Variants in NBAS observed in about 807,000 individuals in gnomAD.
The protein encoded by NBAS is NAG/BC035112 fusion.
NBAS carries 219 observed loss-of-function variants against 302.5 expected under a neutral mutation model. That is an observed-to-expected ratio of 0.72 (90% CI 0.65 to 0.81). The LOEUF is 0.81. Ranked by LOEUF, NBAS falls within the 30% of genes least tolerant of loss-of-function variation. NBAS has a pLI of 0.00. For synonymous variants in NBAS, 1,118 were observed against 1,021.6 expected (o/e 1.09, Z -1.80); for missense variants, 2,932 against 2,841.6 (o/e 1.03, Z -0.72).
the NBAS span, among the ~76,000 whole-genome samples, chr2:15,147,695 T>G: frequency 6.6e-6 from 1 of 152,152 alleles, no homozygotes; most frequent in Non-Finnish European, 1.5e-5. Flanking sequence ...TTAAGGCAAT[T>G]GCCCCCTTTC....
chr2:14,929,597 C>A, the NBAS span, among the ~76,000 whole-genome samples: 15 of 152,268 alleles, frequency 9.9e-5, no homozygotes, highest in East Asian at 2.3e-3. Context: ...AGGCTGGTCT[C>A]GAGCTCCTGA....
intron 6 of NBAS, among the ~76,000 whole-genome samples, chr2:15,547,433 C>T (rs1214580234): frequency 6.6e-6 from 1 of 152,166 alleles, no homozygotes. Flanking sequence ...AATTCACACA[C>T]ACAGAAGCCA....
intron 46 of NBAS, among the ~76,000 whole-genome samples, chr2:15,232,909 C>T (rs926179348): frequency 6.6e-6 from 1 of 151,042 alleles, no homozygotes; most frequent in African/African-American, 2.4e-5. Flanking sequence ...TAATAAGTAC[C>T]AGGCAATGCT....
chr2:15,185,338 A>T (rs1020918487), intron 50 of NBAS, among the ~76,000 whole-genome samples: 23 of 152,240 alleles, frequency 1.5e-4, no homozygotes, highest in Non-Finnish European at 3.1e-4. Context: ...CAGTAACAGG[A>T]GACCTTAAAC....
At chr2:14,789,113 C>T in the NBAS span, among the ~76,000 whole-genome samples, 4 of 152,182 alleles carry the variant, frequency 2.6e-5, no homozygotes, top group Non-Finnish European at 5.9e-5. Flanking sequence ...AATGAGGCTC[C>T]GTGGGCATAG....
chr2:15,272,848 C>A (rs1256549493), intron 44 of NBAS, among the ~76,000 whole-genome samples: 1 of 152,016 alleles, frequency 6.6e-6, no homozygotes, highest in Non-Finnish European at 1.5e-5. Context: ...CAGGGGTTGG[C>A]GGACATCTTG....
chr2:15,382,881 A>G (rs1456010229), intron 29 of NBAS, among the ~76,000 whole-genome samples: 1 of 152,208 alleles, frequency 6.6e-6, no homozygotes, highest in Non-Finnish European at 1.5e-5. Context: ...AGTTCAGCAG[A>G]GATGAAGACA....
chr2:15,162,910 C>G (rs1340444884), downstream of NBAS, among the ~76,000 whole-genome samples: 1 of 152,218 alleles, frequency 6.6e-6, no homozygotes, highest in Non-Finnish European at 1.5e-5. Context: ...AATGCAGGCT[C>G]TCTCCAAAGA....
the NBAS span, among the ~76,000 whole-genome samples, chr2:15,036,721 G>A: frequency 5.3e-5 from 8 of 152,106 alleles, no homozygotes; most frequent in Non-Finnish European, 1.0e-4. Context: ...CTCCCCCAGC[G>A]CACATTTGGT....
chr2:15,311,692 C>T (rs751661062), intron 38 of NBAS, among the ~76,000 whole-genome samples: 2 of 152,200 alleles, frequency 1.3e-5, no homozygotes, highest in Non-Finnish European at 2.9e-5. Flanking sequence ...TGCTTCTCAA[C>T]GAGCACTCAG....
intron 48 of NBAS, among the ~76,000 whole-genome samples, chr2:15,206,479 A>G (rs138573856): frequency 2.6e-5 from 4 of 152,156 alleles, no homozygotes; most frequent in Non-Finnish European, 5.9e-5. Context: ...AGAAACTTGC[A>G]TAAGTAAAGA....
the NBAS span, among the ~76,000 whole-genome samples, chr2:15,069,661 C>T: frequency 2.0e-5 from 3 of 152,020 alleles, no homozygotes; most frequent in African/African-American, 7.3e-5. Context: ...AGATTTTTCT[C>T]ACCTCCACAT....
intron 41 of NBAS, among the ~76,000 whole-genome samples, chr2:15,289,188 C>G (rs1352897476): frequency 6.6e-6 from 1 of 152,174 alleles, no homozygotes; most frequent in East Asian, 1.9e-4. Context: ...GCCATCCACC[C>G]ACCCACCTAC....
intron 51 of NBAS, 24 bp downstream of exon 51, chr2:15,178,962 AAG>A: frequency 6.2e-7 from 1 of 1,613,220 alleles, no homozygotes; most frequent in Non-Finnish European, 8.5e-7. Context: ...AAAAAAAAGA[AAG>A]AAAGTAAATT....
At chr2:15,507,405 A>AGC (rs2148641763) in intron 10 of NBAS, among the ~76,000 whole-genome samples, 1 of 151,404 alleles carries the variant, frequency 6.6e-6, no homozygotes, top group African/African-American at 2.4e-5. Context: ...TATATTGAAA[A>AGC]AGCAGCAGCA....
At chr2:15,442,454 C>T (rs1294654572) in intron 21 of NBAS, among the ~76,000 whole-genome samples, 2 of 151,266 alleles carry the variant, frequency 1.3e-5, no homozygotes, top group African/African-American at 4.9e-5. Flanking sequence ...TTGAAACCAA[C>T]AAGAACAAAG....
the NBAS span, among the ~76,000 whole-genome samples, chr2:15,104,110 C>CTGTT: frequency 3.3e-5 from 5 of 152,070 alleles, no homozygotes; most frequent in African/African-American, 1.2e-4. Context: ...TTCCCCCATA[C>CTGTT]TGTTTTTGTG....
the NBAS span, among the ~76,000 whole-genome samples, chr2:14,992,810 C>A: frequency 2.0e-5 from 3 of 152,254 alleles, no homozygotes; most frequent in African/African-American, 7.2e-5. Flanking sequence ...CACCTACAAC[C>A]ACCATCGATT....
intron 28 of NBAS, among the ~76,000 whole-genome samples, chr2:15,384,707 CAT>C (rs532949952): frequency 1.1e-3 from 173 of 152,280 alleles, no homozygotes; most frequent in African/African-American, 3.9e-3. Flanking sequence ...GTTAAATACA[CAT>C]GAGTTTGGAA....
Sources: gnomAD v4.1 joint callset for allele counts (sites outside exome capture counted in the v4.1 genomes callset) on GRCh38, gnomAD v4.1.1 for gene constraint, MANE v1.5 for transcripts, NCBI Gene and HGNC (gene_info 2026-07-23, HGNC 2026-07-21) for gene names.